EPHB1: variants seen among roughly 807,000 people sequenced by gnomAD.
EPHB1 encodes ephrin type-B receptor 1.
EPHB1 carries 30 observed loss-of-function variants against 94.4 expected under a neutral mutation model. The observed-to-expected ratio is 0.32, with a 90% CI of 0.24 to 0.43. EPHB1 has a LOEUF of 0.43. Among genes scored for constraint, EPHB1 ranks in the 20% least tolerant of loss-of-function variants. EPHB1 has a pLI of 1.00. For missense variants in EPHB1, 1,055 were observed against 1,308.3 expected (o/e 0.81, Z 2.99); for synonymous variants, 522 against 489.1 (o/e 1.07, Z -0.89).
intron 3 of EPHB1, among the ~76,000 whole-genome samples, chr3:135,019,539 T>G (rs749238096): frequency 1.8e-4 from 27 of 152,150 alleles, no homozygotes; most frequent in Non-Finnish European, 3.8e-4. Flanking sequence ...ATGGGAGATA[T>G]AAAGAAAAAA....
intron 1 of EPHB1, among the ~76,000 whole-genome samples, chr3:134,808,525 C>T (rs977400697): frequency 9.2e-5 from 14 of 152,012 alleles, no homozygotes; most frequent in South Asian, 8.3e-4. Flanking sequence ...ATTGATAGGC[C>T]ACACCTATCA....
intron 3 of EPHB1, among the ~76,000 whole-genome samples, chr3:135,081,439 C>G (rs1938160319): frequency 6.6e-6 from 1 of 152,166 alleles, no homozygotes; most frequent in African/African-American, 2.4e-5. Context: ...CCACTGAGGA[C>G]TTTTAGGTTG....
chr3:135,233,360 A>G (rs2107725075), intron 12 of EPHB1, among the ~76,000 whole-genome samples: 1 of 152,316 alleles, frequency 6.6e-6, no homozygotes, highest in Non-Finnish European at 1.5e-5. Context: ...CAGTTATTAA[A>G]CCTTAAAGTT....
In EPHB1 at chr3:134,871,842, A is replaced by G. The variant is rs187926025; in HGVS notation, c.59-53974A>G. On this transcript the variant is annotated intron_variant, in intron 1 of 15. Coordinates refer to ENST00000398015, the MANE Select transcript of EPHB1 (RefSeq NM_004441.5). ...CAGTCTTTATAACACTGTAAGTGGC[A>G]CTATGTTCTACTGGGTTGTTCTAGC... is the stretch of plus-strand genomic sequence containing the variant. 8.8e-4 allele frequency among the ~76,000 whole-genome samples: 134 copies of G among 152,302 alleles called. 1 individual carries two copies. Among genetic ancestry groups the G allele is most frequent in the Admixed American group, 7.2e-4 (11 of 15,294 alleles).
At chr3:134,854,982 G>A (rs1426463205) in intron 1 of EPHB1, among the ~76,000 whole-genome samples, 2 of 152,114 alleles carry the variant, frequency 1.3e-5, no homozygotes, top group Admixed American at 6.6e-5. Flanking sequence ...TTTTTGTTCA[G>A]CTTACCTGTC....
intron 1 of EPHB1, among the ~76,000 whole-genome samples, chr3:134,907,479 G>A (rs1395597813): frequency 6.6e-6 from 1 of 152,234 alleles, no homozygotes; most frequent in African/African-American, 2.4e-5. Context: ...AGATTTGAAT[G>A]CTGTAGAGTG....
rs115701299 is a variant in EPHB1, at chr3:134,835,102, G to A, written c.58+39413G>A. ...CTTTCTTGGCTTCCACAAGGCATCT[G>A]GGAATCAGGTTCTCAATTCTGTCAG... is the stretch of plus-strand genomic sequence containing the variant. On this transcript the variant is annotated intron_variant, in intron 1 of 15. Coordinates refer to ENST00000398015, the MANE Select transcript of EPHB1 (RefSeq NM_004441.5). Among the ~76,000 whole-genome samples the A allele has an allele frequency of 8.4e-3, 1,274 of 152,294 alleles. 14 individuals carry two copies. Among genetic ancestry groups the A allele is most frequent in the African/African-American group, 0.028 (1,167 of 41,544 alleles).
intron 1 of EPHB1, among the ~76,000 whole-genome samples, chr3:134,809,422 A>C (rs975169832): frequency 1.3e-5 from 2 of 152,000 alleles, no homozygotes; most frequent in Non-Finnish European, 2.9e-5. Context: ...TCTGCATGAA[A>C]ACCCGTGGCT....
chr3:134,916,621 C>T (rs2038577018), intron 1 of EPHB1, among the ~76,000 whole-genome samples: 1 of 152,212 alleles, frequency 6.6e-6, no homozygotes, highest in Non-Finnish European at 1.5e-5. Context: ...CCCCTCACTG[C>T]CCGGGGCTGG....
At chr3:134,908,302 C>T (rs1016171062) in intron 1 of EPHB1, among the ~76,000 whole-genome samples, 2 of 152,224 alleles carry the variant, frequency 1.3e-5, no homozygotes, top group Non-Finnish European at 2.9e-5. Flanking sequence ...CATGCCAAGC[C>T]TCTGTGACTC....
intron 1 of EPHB1, among the ~76,000 whole-genome samples, chr3:134,877,583 C>T (rs1437382190): frequency 2.0e-5 from 3 of 152,126 alleles, no homozygotes; most frequent in South Asian, 2.1e-4. Context: ...AGGAGATAAG[C>T]CACAAGAAAA....
In EPHB1 at chr3:135,248,519, G is replaced by A. The variant is rs772599022; in HGVS notation, c.2690+10G>A. 6.4e-7 allele frequency: 1 copy of A among 1,572,098 alleles called. No individual in the cohort carries two copies. The highest frequency in any genetic ancestry group is 8.7e-7 in the Non-Finnish European group (1 of 1,152,718). On this transcript the variant is annotated intron_variant, in intron 14 of 15. Transcript: ENST00000398015. ...CAACCATCACCGCCGTGTGAGTCTA[G>A]TGAAACGGTGATCCCTAAATATGGC...
At position 134,952,028 on chromosome 3, in the gene EPHB1, C is replaced by G. The variant is rs752301410; in HGVS notation, c.781C>G (p.Pro261Ala). The change falls in exon 3 of 16, where the codon CCT becomes GCT. Residue 261 changes from proline (P) to alanine (A), a missense_variant. Coordinates refer to ENST00000398015, the MANE Select transcript of EPHB1 (RefSeq NM_004441.5). ...ATGCACCTGCAAGCCTGGCTATGAG[C>G]CTGAGAACAGCGTGGCATGCAAGGG... The part of the protein sequence containing the change: ...GRCTCKPGYE[P>A]ENSVACKACP... 1.2e-6 allele frequency: 2 copies of G among 1,609,936 alleles called. No individual in the cohort carries two copies. The highest frequency in any genetic ancestry group is 4.5e-5 in the East Asian group (2 of 44,812).
At chr3:134,816,495 CTG>C (rs1216363967) in intron 1 of EPHB1, among the ~76,000 whole-genome samples, 2 of 152,120 alleles carry the variant, frequency 1.3e-5, no homozygotes, top group African/African-American at 2.4e-5. Flanking sequence ...GTTATGGCCT[CTG>C]TGTGTTCGTC....
chr3:135,156,679 T>C (rs1429647561), intron 6 of EPHB1, among the ~76,000 whole-genome samples: 1 of 152,196 alleles, frequency 6.6e-6, no homozygotes, highest in African/African-American at 2.4e-5. Context: ...AATATTGAGT[T>C]TTATAAGGAG....
At chr3:135,195,281 C>T (rs544161893) in intron 11 of EPHB1, among the ~76,000 whole-genome samples, 81 of 151,970 alleles carry the variant, frequency 5.3e-4, no homozygotes, top group African/African-American at 1.7e-3. Flanking sequence ...CATGAGCCTG[C>T]GGAAAATCAA....
chr3:135,179,909 C>T lies in EPHB1; in HGVS notation c.1809C>T (p.Pro603=). Residue 603 remains proline, a synonymous_variant, in exon 10 of 16, where the codon CCC becomes CCT. Transcript: ENST00000398015. ...TTGACCCCTTCACTTACGAGGATCC[C>T]AACGAAGCTGTCCGGGAGTTTGCCA... is the stretch of plus-strand genomic sequence containing the variant. The part of the protein sequence containing the change: ...IYIDPFTYED[P]NEAVREFAKE... 6.2e-7 allele frequency: 1 copy of T among 1,613,946 alleles called. No homozygotes were observed. The highest frequency in any genetic ancestry group is 1.3e-5 in the African/African-American group (1 of 75,034).
At chr3:135,195,261 GA>G (rs1230568021) in intron 11 of EPHB1, among the ~76,000 whole-genome samples, 1 of 152,002 alleles carries the variant, frequency 6.6e-6, no homozygotes, top group Non-Finnish European at 1.5e-5. Context: ...GGAACAGGGA[GA>G]TTCATTCTCA....
chr3:134,951,817 T>C lies in EPHB1; in HGVS notation c.570T>C (p.Arg190=). The C allele has an allele frequency of 1.9e-6, 3 of 1,614,058 alleles. No individual in the cohort carries two copies. Among genetic ancestry groups the C allele is most frequent in the African/African-American group, 1.3e-5 (1 of 75,054 alleles). Residue 190 remains arginine, a synonymous_variant, in exon 3 of 16, where the codon CGT becomes CGC. Coordinates refer to ENST00000398015, the MANE Select transcript of EPHB1 (RefSeq NM_004441.5). This position sits in a 1 kb window ranked among gnomAD's most constrained non-coding sequence, Gnocchi z 4.5. ...CCTGTATGTCTCTTCTTTCTGTCCGTGTCTTCTTCAAAAAGTGTCCCAGCA... is the reference window on the plus strand; with the variant it reads ...CCTGTATGTCTCTTCTTTCTGTCCGCGTCTTCTTCAAAAAGTGTCCCAGCA... ...YGACMSLLSV[R]VFFKKCPSIV...
Sources: allele counts gnomAD v4.1 joint callset (sites outside exome capture counted in the v4.1 genomes callset), GRCh38; gene constraint gnomAD v4.1.1; non-coding constraint Gnocchi (gnomAD v3.1); transcripts MANE v1.5; gene names NCBI Gene and HGNC (gene_info 2026-07-23, HGNC 2026-07-21).